C2CD5: variants seen among roughly 807,000 people sequenced by gnomAD.
C2CD5 encodes C2 calcium dependent domain containing 5, also known as C2 domain-containing protein 5.
In C2CD5, 109 loss-of-function variants were observed where a neutral mutation model predicts 130.3. The ratio of observed to expected loss-of-function variants is 0.84; its 90% CI spans 0.72 to 0.98. C2CD5 has a LOEUF of 0.98. Ranked by LOEUF, C2CD5 falls within the 50% of genes least tolerant of loss-of-function variation. C2CD5 has a pLI of 0.00. For missense variants in C2CD5, 996 were observed against 1,261.8 expected (o/e 0.79, Z 3.19); for synonymous variants, 454 against 429.2 (o/e 1.06, Z -0.71).
intron 2 of C2CD5, among the ~76,000 whole-genome samples, chr12:22,537,027 T>A (rs1045105714): frequency 6.6e-6 from 1 of 152,202 alleles, no homozygotes; most frequent in Non-Finnish European, 1.5e-5. Context: ...TTAGGATTTA[T>A]AAAAACATTC....
intron 11 of C2CD5, among the ~76,000 whole-genome samples, chr12:22,490,998 T>G (rs2136439253): frequency 6.6e-6 from 1 of 152,282 alleles, no homozygotes; most frequent in East Asian, 1.9e-4. Flanking sequence ...AGACCAGGCT[T>G]AAAGTGTAGG....
intron 25 of C2CD5, among the ~76,000 whole-genome samples, chr12:22,456,477 C>T (rs1024822514): frequency 9.2e-5 from 14 of 152,152 alleles, no homozygotes; most frequent in African/African-American, 3.4e-4. Flanking sequence ...TTTAATGATA[C>T]TCAGTGTGAG....
intron 2 of C2CD5, among the ~76,000 whole-genome samples, chr12:22,542,922 GT>G (rs552848800): frequency 6.6e-6 from 1 of 152,224 alleles, no homozygotes; most frequent in Non-Finnish European, 1.5e-5. Context: ...TAAATAGGCT[GT>G]GTGGGTCAAT....
chr12:22,457,135 C>T lies in C2CD5; in HGVS notation c.2713G>A (p.Val905Met). ...CGATTCCGGAAATTTCCATCACCCACTGGACTTGCTTTTTCAACTGTCATG... is the reference window on the plus strand; with the variant it reads ...CGATTCCGGAAATTTCCATCACCCATTGGACTTGCTTTTTCAACTGTCATG... ...TTMTVEKASP[V>M]GDGNFRNRSA... The change falls in exon 25 of 27, where the codon GTG (valine) becomes ATG (methionine). Residue 905 changes from valine to methionine, a missense_variant. Val to Met is a conservative substitution (Grantham distance 21). This residue lies in a region of C2CD5 where 590 missense variants were observed against 631.4 expected (regional missense o/e 0.93). Transcript: ENST00000446597. The T allele has an allele frequency of 6.2e-7, 1 of 1,603,818 alleles. No individual in the cohort carries two copies. Among genetic ancestry groups the T allele is most frequent in the Non-Finnish European group, 8.5e-7 (1 of 1,176,280 alleles).
chr12:22,479,373 C>T (rs890815025), intron 14 of C2CD5, among the ~76,000 whole-genome samples: 3 of 151,354 alleles, frequency 2.0e-5, no homozygotes, highest in Admixed American at 6.6e-5. Context: ...TGGGCCCGGA[C>T]CTACCTCATA....
At chr12:22,524,256 A>G (rs994480468) in intron 6 of C2CD5, among the ~76,000 whole-genome samples, 1 of 152,178 alleles carries the variant, frequency 6.6e-6, no homozygotes, top group African/African-American at 2.4e-5. Context: ...CTACCTCATC[A>G]ACACAATTTC....
At chr12:22,461,799 C>G (rs562527633) in intron 22 of C2CD5, among the ~76,000 whole-genome samples, 1 of 152,156 alleles carries the variant, frequency 6.6e-6, no homozygotes, top group Non-Finnish European at 1.5e-5. Context: ...ACGAATGCAT[C>G]TGAAAAAAAT....
intron 6 of C2CD5, 106 bp from the exon 7 acceptor site, chr12:22,523,730 A>T: frequency 1.2e-6 from 1 of 813,848 alleles, no homozygotes; most frequent in Non-Finnish European, 2.0e-6. Flanking sequence ...AGAAAATCAC[A>T]GATTTTCAGA....
At chr12:22,491,689 T>C (rs1279896184) in intron 11 of C2CD5, among the ~76,000 whole-genome samples, 2 of 152,002 alleles carry the variant, frequency 1.3e-5, no homozygotes, top group South Asian at 4.2e-4. Context: ...CTGACCAACA[T>C]GGCGAAACCC....
chr12:22,482,152 C>T (rs1591786730), intron 14 of C2CD5, among the ~76,000 whole-genome samples: 1 of 152,110 alleles, frequency 6.6e-6, no homozygotes, highest in Admixed American at 6.6e-5. Flanking sequence ...GGGGATGCTA[C>T]TAGCTTATAG....
intron 3 of C2CD5, among the ~76,000 whole-genome samples, chr12:22,532,947 C>A (rs1352135229): frequency 6.6e-6 from 1 of 152,064 alleles, no homozygotes; most frequent in Non-Finnish European, 1.5e-5. Flanking sequence ...TTAAGTAGTC[C>A]AATGAAAATT....
At chr12:22,491,315 T>C (rs1338686956) in intron 11 of C2CD5, among the ~76,000 whole-genome samples, 1 of 152,138 alleles carries the variant, frequency 6.6e-6, no homozygotes, top group Non-Finnish European at 1.5e-5. Flanking sequence ...GCCTTCTTTT[T>C]TTTGCTACTC....
In C2CD5 at chr12:22,484,852, A is replaced by G; in HGVS notation, c.1395T>C (p.Cys465=). 6.3e-7 allele frequency: 1 copy of G among 1,578,164 alleles called. No homozygotes were observed. Among genetic ancestry groups the G allele is most frequent in the Non-Finnish European group, 8.6e-7 (1 of 1,163,100 alleles). ...TATTCAGTTCATCATATGGTATATG[A>G]CAAAATCCACAACGTGTAGGCAAAT... ...EENLPTRCGF[C]HIPYDELNMP... is the part of the protein sequence containing the mutation. The change falls in exon 13 of 27, where the codon TGT becomes TGC. Residue 465 remains cysteine (C), a synonymous_variant. Coordinates refer to ENST00000446597, the MANE Select transcript of C2CD5 (RefSeq NM_001286176.2).
At chr12:22,501,120 A>AG (rs1947724313) in intron 10 of C2CD5, among the ~76,000 whole-genome samples, 1 of 152,224 alleles carries the variant, frequency 6.6e-6, no homozygotes, top group Non-Finnish European at 1.5e-5. Flanking sequence ...TTCTGAAGAT[A>AG]TACTAAGTCT....
intron 14 of C2CD5, 32 bp from the exon 15 acceptor site, chr12:22,478,509 A>G: frequency 1.3e-6 from 2 of 1,578,072 alleles, no homozygotes; most frequent in Non-Finnish European, 1.7e-6. Context: ...ATAATCAGAA[A>G]AAATATCTAC....
At chr12:22,451,906 T>C (rs1477787739) in intron 26 of C2CD5, among the ~76,000 whole-genome samples, 1 of 152,164 alleles carries the variant, frequency 6.6e-6, no homozygotes, top group Non-Finnish European at 1.5e-5. Context: ...TAACAACTTT[T>C]ACAGTGCTTA....
Position 22,478,460 on chromosome 12 carries a change from A to C in C2CD5, c.1755T>G (p.Tyr585Ter), listed in dbSNP as rs1330855344. The C allele has an allele frequency of 6.2e-7, 1 of 1,613,496 alleles. No individual in the cohort carries two copies. The highest frequency in any genetic ancestry group is 8.5e-7 in the Non-Finnish European group (1 of 1,179,718). The change falls in exon 15 of 27, where the codon TAT becomes TAG. Residue 585 changes from tyrosine to a stop codon, truncating the protein, a stop_gained. Coordinates refer to ENST00000446597, the MANE Select transcript of C2CD5 (RefSeq NM_001286176.2). LOFTEE classifies it high-confidence loss of function. ...CACCAGGAGTTGGTAAAGCTGCTAA[A>C]TACACACCTGTGGCAGACTTGTAAA... The part of the protein sequence containing the change: ...LMGLASATGV[Y>*]LAALPTPGGI...
chr12:22,522,465 C>A (rs1049486560), intron 7 of C2CD5, among the ~76,000 whole-genome samples: 2 of 152,154 alleles, frequency 1.3e-5, no homozygotes, highest in African/African-American at 2.4e-5. Context: ...ATCAAGCCAA[C>A]AGAAGTGTTT....
At chr12:22,510,948 T>A (rs113432752) in intron 9 of C2CD5, among the ~76,000 whole-genome samples, 5 of 152,154 alleles carry the variant, frequency 3.3e-5, no homozygotes, top group African/African-American at 1.2e-4. Flanking sequence ...CTGGGCATCA[T>A]AGAGAGAGGC....
Sources: gnomAD v4.1 joint callset for allele counts (sites outside exome capture counted in the v4.1 genomes callset) on GRCh38, gnomAD v4.1.1 for gene constraint, gnomAD v4.1.1 regional missense constraint, MANE v1.5 for transcripts, NCBI Gene and HGNC (gene_info 2026-07-23, HGNC 2026-07-21) for gene names.